The following EEA1 variants were observed in gnomAD, a reference collection of about 807,000 sequenced individuals.
The protein encoded by EEA1 is early endosome antigen 1, 162kD.
Under a neutral mutation model 209.2 loss-of-function variants are expected in EEA1, and 111 were observed. The ratio of observed to expected loss-of-function variants is 0.53; its 90% CI spans 0.45 to 0.62. The LOEUF (loss-of-function observed/expected upper bound fraction) is 0.62. Ranked by LOEUF, EEA1 falls within the 20% of genes least tolerant of loss-of-function variation. The probability of loss-of-function intolerance (pLI) is 0.00; values close to 1 mark genes in which losing one functional copy is unlikely to be tolerated. For missense variants in EEA1, 1,343 were observed against 1,530.8 expected, an observed-to-expected ratio of 0.88 and a Z score of 2.05; for synonymous variants, 536 against 540.6, an observed-to-expected ratio of 0.99 and a Z score of 0.12.
intron 11 of EEA1, among the ~76,000 whole-genome samples, chr12:92,831,653 A>G (rs1375434599): frequency 6.8e-6 from 1 of 147,660 alleles, no homozygotes; most frequent in Non-Finnish European, 1.5e-5. Context: ...TATATAATAT[A>G]TAGTTCATAT....
chr12:92,842,441 T>C, intron 10 of EEA1, 24 bp downstream of exon 10: 1 of 1,125,092 alleles, frequency 8.9e-7, no homozygotes, highest in Non-Finnish European at 1.3e-6. Flanking sequence ...AATTTGCTAT[T>C]ATATATAGCT....
At chr12:92,817,458 C>T (rs945573412) in intron 14 of EEA1, among the ~76,000 whole-genome samples, 1 of 152,070 alleles carries the variant, frequency 6.6e-6, no homozygotes, top group Non-Finnish European at 1.5e-5. Flanking sequence ...CTCCCAGGCT[C>T]AAGTGATCCT....
intron 2 of EEA1, among the ~76,000 whole-genome samples, chr12:92,880,211 C>G (rs1463923749): frequency 6.6e-6 from 1 of 152,192 alleles, no homozygotes; most frequent in Admixed American, 6.5e-5. Flanking sequence ...CTTCACTACA[C>G]AGTAAATAGG....
rs766960957 is a variant in EEA1, at chr12:92,864,896, G to A, written c.209C>T (p.Ser70Leu). The A allele has an allele frequency of 3.1e-6, 5 of 1,609,492 alleles. No homozygotes were observed. Among genetic ancestry groups the A allele is most frequent in the Non-Finnish European group, 4.2e-6 (5 of 1,178,192 alleles). The change falls in exon 3 of 29, where the codon TCA becomes TTA. Residue 70 changes from serine (S) to leucine (L), a missense_variant. Coordinates refer to ENST00000322349, the MANE Select transcript of EEA1 (RefSeq NM_003566.4). Reference sequence around the variant, plus strand: ...AAGATTAGACTCTCCTCCATGACCTGAGTCATTACCAGCATCATGAACAGC... The same window carrying A: ...AAGATTAGACTCTCCTCCATGACCTAAGTCATTACCAGCATCATGAACAGC... ...YEAVHDAGND[S>L]GHGGESNLAL...
intron 1 of EEA1, among the ~76,000 whole-genome samples, chr12:92,908,831 A>AT (rs1022350974): frequency 1.1e-4 from 17 of 152,020 alleles, no homozygotes; most frequent in Non-Finnish European, 2.2e-4. Flanking sequence ...TTTTTGTTTC[A>AT]TTTTTTTCCT....
chr12:92,859,253 TGC>T, intron 3 of EEA1: 1 of 1,609,594 alleles, frequency 6.2e-7, no homozygotes, highest in East Asian at 2.2e-5. Context: ...CCATGGGAAG[TGC>T]CCAAAAAGCT....
intron 21 of EEA1, among the ~76,000 whole-genome samples, chr12:92,791,296 G>T (rs562140000): frequency 6.6e-6 from 1 of 152,198 alleles, no homozygotes; most frequent in East Asian, 1.9e-4. Context: ...ATATAAATGG[G>T]CTAAATGCCC....
intron 20 of EEA1, 117 bp downstream of exon 20, chr12:92,801,482 TA>T (rs902303541): frequency 5.5e-4 from 339 of 613,932 alleles, no homozygotes; most frequent in South Asian, 6.8e-4. Flanking sequence ...CTTAAAACTA[TA>T]AAAAAAAATT....
chr12:92,874,841 A>G (rs1878809217), intron 2 of EEA1, among the ~76,000 whole-genome samples: 1 of 152,228 alleles, frequency 6.6e-6, no homozygotes, highest in African/African-American at 2.4e-5. Flanking sequence ...TAGCTAAAAG[A>G]CAGCCTTTTG....
chr12:92,904,862 A>G (rs1004917722), intron 1 of EEA1, among the ~76,000 whole-genome samples: 3 of 152,234 alleles, frequency 2.0e-5, no homozygotes, highest in Non-Finnish European at 4.4e-5. Flanking sequence ...TGCATTCGAC[A>G]ACCAGGAAGA....
intron 8 of EEA1, 101 bp from the exon 9 acceptor site, chr12:92,851,367 C>T (rs561657967): frequency 1.7e-6 from 2 of 1,172,340 alleles, no homozygotes; most frequent in Non-Finnish European, 2.4e-6. Flanking sequence ...GGGAAACAAT[C>T]ATCAATATCA....
chr12:92,814,926 A>C (rs927298369), intron 15 of EEA1, among the ~76,000 whole-genome samples: 2 of 152,200 alleles, frequency 1.3e-5, no homozygotes, highest in Admixed American at 1.3e-4. Flanking sequence ...CTTAACAGTT[A>C]AGCTACAGCT....
intron 2 of EEA1, among the ~76,000 whole-genome samples, chr12:92,881,875 G>A (rs575342513): frequency 6.6e-6 from 1 of 152,256 alleles, no homozygotes; most frequent in South Asian, 2.1e-4. Context: ...AACACCGCAA[G>A]TTTGAACAGT....
intron 13 of EEA1, among the ~76,000 whole-genome samples, chr12:92,820,568 G>A (rs1306455344): frequency 6.6e-6 from 1 of 151,966 alleles, no homozygotes; most frequent in Non-Finnish European, 1.5e-5. Flanking sequence ...TCTGAGGGAG[G>A]GGAACATCAC....
intron 3 of EEA1, among the ~76,000 whole-genome samples, chr12:92,860,642 C>A (rs1252242061): frequency 1.3e-5 from 2 of 151,938 alleles, no homozygotes; most frequent in Non-Finnish European, 2.9e-5. Flanking sequence ...TGGGTTTGAC[C>A]TACAGGGGGT....
chr12:92,909,420 C>T (rs554498822), intron 1 of EEA1, among the ~76,000 whole-genome samples: 1 of 152,324 alleles, frequency 6.6e-6, no homozygotes, highest in South Asian at 2.1e-4. Flanking sequence ...ATCAGCAAAA[C>T]ACATTGACTG....
intron 10 of EEA1, among the ~76,000 whole-genome samples, chr12:92,842,225 T>G (rs1877197908): frequency 6.6e-6 from 1 of 152,046 alleles, no homozygotes; most frequent in African/African-American, 2.4e-5. Context: ...GAAAGTAGAA[T>G]GGAAGCTTCC....
At chr12:92,781,895 C>A in intron 23 of EEA1, 55 bp downstream of exon 23, 2 of 1,514,108 alleles carry the variant, frequency 1.3e-6, no homozygotes, top group South Asian at 1.3e-5. Flanking sequence ...ACTGGATGAT[C>A]TCTAAGACAA....
intron 1 of EEA1, among the ~76,000 whole-genome samples, chr12:92,900,640 AT>A (rs549303816): frequency 8.6e-5 from 13 of 150,346 alleles, no homozygotes; most frequent in Non-Finnish European, 1.3e-4. Flanking sequence ...GAGCATTTAA[AT>A]TTTTTTTTGT....
Sources: gnomAD v4.1 joint callset for allele counts (sites outside exome capture counted in the v4.1 genomes callset) on GRCh38, gnomAD v4.1.1 for gene constraint, MANE v1.5 for transcripts, NCBI Gene and HGNC (gene_info 2026-07-23, HGNC 2026-07-21) for gene names.